Variants in TAX1BP3 observed in about 807,000 individuals in gnomAD.
TAX1BP3 encodes tax1-binding protein 3.
In TAX1BP3, 13 loss-of-function variants were observed where a neutral mutation model predicts 15.3. That is an observed-to-expected ratio of 0.85 (90% CI 0.55 to 1.35). The LOEUF (loss-of-function observed/expected upper bound fraction) is 1.35, where lower values mean the gene tolerates loss of function less well. TAX1BP3 is among the 40% of genes most tolerant of loss of function. TAX1BP3 has a pLI of 0.00. For missense variants in TAX1BP3, 147 were observed against 169.6 expected (o/e 0.87, Z 0.74); for synonymous variants, 70 against 66.0 (o/e 1.06, Z -0.30).
chr17:3,663,718 G>C lies in TAX1BP3; in HGVS notation c.*30C>G, dbSNP rs772228029. ...AGTGGCGTTACTGTACAGAGAGGCG[G>C]CAGGCAGGAGTCGCAGATGGTGGTG... is the stretch of plus-strand genomic sequence containing the variant. On this transcript the variant is annotated 3_prime_UTR_variant, in exon 4 of 4. Transcript: ENST00000225525. 1 of 1,588,234 alleles carries C rather than the reference G, an allele frequency of 6.3e-7. No homozygotes were observed.
chr17:3,667,241 G>T (rs1413276692), intron 1 of TAX1BP3, among the ~76,000 whole-genome samples: 1 of 151,832 alleles, frequency 6.6e-6, no homozygotes, highest in Non-Finnish European at 1.5e-5. Flanking sequence ...TACTCGGGAG[G>T]CTGAGGCAGG....
intron 2 of TAX1BP3, 72 bp downstream of exon 2, chr17:3,664,607 C>G (rs774745753): frequency 1.9e-6 from 3 of 1,578,234 alleles, no homozygotes; most frequent in Non-Finnish European, 2.6e-6. Flanking sequence ...CATGCAGGCC[C>G]AGGAAGCAGA....
In TAX1BP3 at chr17:3,664,814, G is replaced by C. The variant is rs1430851322; in HGVS notation, c.40-16C>G. 3 of 1,611,314 alleles carry C rather than the reference G, an allele frequency of 1.9e-6. No individual in the cohort carries two copies. The African/African-American group carries it at 4.0e-5, about 22-fold the overall frequency. The stretch of plus-strand genomic sequence containing the variant: ...CAACTCTTTGCTGGCAAAGAAAAAA[G>C]CCAGTTGAGAGAAGTGGGTGGTTGG... On this transcript the variant is annotated splice_polypyrimidine_tract_variant and intron_variant, in intron 1 of 3. Transcript: ENST00000225525.
At position 3,663,853 on chromosome 17, in the gene TAX1BP3, G is replaced by T; in HGVS notation, c.270C>A (p.His90Gln). 6.2e-7 allele frequency: 1 copy of T among 1,609,376 alleles called. No homozygotes were observed. The highest frequency in any genetic ancestry group is 8.5e-7 in the Non-Finnish European group (1 of 1,179,958). ...TGGTGAGCCGCTTGCGGGCCTGGTC[G>T]TGTGTGACCATGGTCATGTCCCAGC... ...VNGWDMTMVTHDQARKRLTKR... is the reference protein window; with the variant it reads ...VNGWDMTMVTQDQARKRLTKR... Residue 90 changes from histidine to glutamine, a missense_variant, in exon 4 of 4, where the codon CAC becomes CAA. By Grantham distance (24) the His-to-Gln change is conservative (BLOSUM62 0). Transcript: ENST00000225525.
intron 1 of TAX1BP3, among the ~76,000 whole-genome samples, chr17:3,666,951 G>A (rs1369105572): frequency 2.0e-5 from 3 of 152,148 alleles, no homozygotes; most frequent in African/African-American, 4.8e-5. Flanking sequence ...GTGAGGTCAC[G>A]CAGAAGGTGG....
At chr17:3,665,765 AGAAAGGAGAGG>A in intron 1 of TAX1BP3, 1 of 607,834 alleles carries the variant, frequency 1.6e-6, no homozygotes, top group African/African-American at 1.9e-5. Context: ...AAAAAAAAAA[AGAAAGGAGAGG>A]AAGGGCTTGC....
In TAX1BP3 at chr17:3,663,607, G is replaced by A; in HGVS notation, c.*141C>T. ...CCAGGGATGGGAGAAGGGAAGGAAG[G>A]CCAGGCCAGGCCTCTGGGACCAGCT... On this transcript the variant is annotated 3_prime_UTR_variant, in exon 4 of 4. Transcript: ENST00000225525. 1 of 1,271,010 alleles carries A rather than the reference G, an allele frequency of 7.9e-7. No homozygotes were observed. The highest frequency in any genetic ancestry group is 1.9e-5 in the South Asian group (1 of 53,468). 78.7% of individuals were successfully genotyped at this position (1,271,010 alleles called of 1,614,324 possible).
At position 3,664,726 on chromosome 17, in the gene TAX1BP3, C is replaced by A; in HGVS notation, c.112G>T (p.Asp38Tyr). The A allele has an allele frequency of 6.2e-7, 1 of 1,613,774 alleles. No homozygotes were observed. The highest frequency in any genetic ancestry group is 1.1e-5 in the South Asian group (1 of 91,034). Residue 38 changes from aspartate (D) to tyrosine (Y), a missense_variant, in exon 2 of 4, where the codon GAC becomes TAC. Physicochemically the swap from Asp to Tyr is radical, Grantham distance 160. Coordinates refer to ENST00000225525, the MANE Select transcript of TAX1BP3 (RefSeq NM_014604.4). ...AAGGGATTCTGGGAAGGATCCTGGTCGATTCCACCTCCAATGCTGAAACCC... is the reference window on the plus strand; with the variant it reads ...AAGGGATTCTGGGAAGGATCCTGGTAGATTCCACCTCCAATGCTGAAACCC... ...ILGFSIGGGIDQDPSQNPFSE... is the reference protein window; with the variant it reads ...ILGFSIGGGIYQDPSQNPFSE...
chr17:3,664,051 G>A (rs775868456), intron 3 of TAX1BP3, 144 bp downstream of exon 3: 29 of 1,416,604 alleles, frequency 2.0e-5, no homozygotes, highest in Admixed American at 4.0e-5. Context: ...GAAAGCCAGC[G>A]TCCTCTGGGG....
At chr17:3,664,600 G>A in intron 2 of TAX1BP3, 79 bp downstream of exon 2, 1 of 1,557,344 alleles carries the variant, frequency 6.4e-7, no homozygotes, top group Non-Finnish European at 8.9e-7. Context: ...TTCCTTCCAT[G>A]CAGGCCCAGG....
intron 1 of TAX1BP3, 66 bp from the exon 2 acceptor site, chr17:3,664,864 A>G: frequency 1.3e-6 from 2 of 1,575,342 alleles, no homozygotes; most frequent in Admixed American, 1.7e-5. Context: ...GGGTGTTCCC[A>G]GCAGCAGCCT....
rs934203852 is a variant in TAX1BP3 at position 3,668,518 on chromosome 17, G to A, written c.9C>T (p.Tyr3=). Residue 3 remains tyrosine, a synonymous_variant, in exon 1 of 4, where the codon TAC becomes TAT. Coordinates refer to ENST00000225525, the MANE Select transcript of TAX1BP3 (RefSeq NM_014604.4). The surrounding 1 kb of genome is among the most constrained non-coding windows in gnomAD (Gnocchi z 4.1). MS[Y]IPGQPVTAVV... is the part of the protein sequence containing the mutation. ...CGGCGGTGACCGGCTGGCCCGGGAT[G>A]TAGGACATCTCGACCCTGCTCTGGT... is the stretch of plus-strand genomic sequence containing the variant. 2 of 1,608,090 alleles carry A rather than the reference G, an allele frequency of 1.2e-6. No individual in the cohort carries two copies. The highest frequency in any genetic ancestry group is 2.7e-5 in the African/African-American group (2 of 74,524).
chr17:3,665,214 G>T, intron 1 of TAX1BP3: 1 of 1,273,172 alleles, frequency 7.9e-7, no homozygotes, highest in Non-Finnish European at 1.1e-6. Flanking sequence ...CCAGTAATTC[G>T]CCAAAATGAC....
At chr17:3,664,512 C>T (rs763322311) in intron 2 of TAX1BP3, 167 bp downstream of exon 2, 9 of 1,085,838 alleles carry the variant, frequency 8.3e-6, no homozygotes, top group South Asian at 2.7e-5. Flanking sequence ...GCAGCCCTTC[C>T]TCACCCCACC....
intron 2 of TAX1BP3, 174 bp downstream of exon 2, chr17:3,664,505 G>A: frequency 9.7e-7 from 1 of 1,034,434 alleles, no homozygotes. Flanking sequence ...TGTCTGAGCA[G>A]CCCTTCCTCA....
In TAX1BP3 at chr17:3,668,355, G is replaced by A; in HGVS notation, c.39+133C>T. The stretch of plus-strand genomic sequence containing the variant: ...CTGCGGCCCGCTCCGGCAAAGCGGG[G>A]ACCCGAGCCCTTGCCGCCGGTTCGC... On this transcript the variant is annotated intron_variant, in intron 1 of 3. Transcript: ENST00000225525. This position sits in a 1 kb window ranked among gnomAD's most constrained non-coding sequence, Gnocchi z 4.1. 1 of 1,202,610 alleles carries A rather than the reference G, an allele frequency of 8.3e-7. No homozygotes were observed. The highest frequency in any genetic ancestry group is 1.1e-6 in the Non-Finnish European group (1 of 879,272). The allele number at this position is 1,202,610 out of a possible 1,614,324, so 74.5% of individuals were successfully genotyped here.
At chr17:3,666,200 G>A (rs1481595576) in intron 1 of TAX1BP3, among the ~76,000 whole-genome samples, 1 of 152,218 alleles carries the variant, frequency 6.6e-6, no homozygotes, top group Middle Eastern at 3.2e-3. Context: ...CCCAAAGGGA[G>A]GATTATTTGC....
Position 3,663,852 on chromosome 17 carries a change from C to T in TAX1BP3, c.271G>A (p.Asp91Asn), listed in dbSNP as rs377697958. The T allele has an allele frequency of 8.1e-6, 13 of 1,609,416 alleles. No individual in the cohort carries two copies. The highest frequency in any genetic ancestry group is 1.1e-5 in the Non-Finnish European group (13 of 1,179,960). Residue 91 changes from aspartate to asparagine, a missense_variant, in exon 4 of 4, where the codon GAC (aspartate) becomes AAC (asparagine). Transcript: ENST00000225525. ...TTGGTGAGCCGCTTGCGGGCCTGGTCGTGTGTGACCATGGTCATGTCCCAG... is the reference window on the plus strand; with the variant it reads ...TTGGTGAGCCGCTTGCGGGCCTGGTTGTGTGTGACCATGGTCATGTCCCAG... ...NGWDMTMVTH[D>N]QARKRLTKRS...
chr17:3,667,356 A>AC (rs1399941148), intron 1 of TAX1BP3, among the ~76,000 whole-genome samples: 10 of 151,578 alleles, frequency 6.6e-5, no homozygotes, highest in Middle Eastern at 3.4e-3. Context: ...AAAAAAAAAA[A>AC]AAAAAGTCAA....
Sources: gnomAD v4.1 joint callset for allele counts (sites outside exome capture counted in the v4.1 genomes callset) on GRCh38, gnomAD v4.1.1 for gene constraint, Gnocchi (gnomAD v3.1) non-coding constraint, MANE v1.5 for transcripts, NCBI Gene and HGNC (gene_info 2026-07-23, HGNC 2026-07-21) for gene names.